INPP5E: variants seen among roughly 807,000 people sequenced by gnomAD.
The protein encoded by INPP5E is phosphatidylinositol polyphosphate 5-phosphatase type IV.
A neutral mutation model predicts 50.5 loss-of-function variants in INPP5E; 34 were observed. The observed-to-expected ratio is 0.67, with a 90% CI of 0.51 to 0.90. The LOEUF (loss-of-function observed/expected upper bound fraction) is 0.90. INPP5E is among the 40% of genes least tolerant of loss of function. The pLI is 0.00. For synonymous variants in INPP5E, 447 were observed against 406.0 expected (o/e 1.10, Z -1.21); for missense variants, 942 against 905.5 (o/e 1.04, Z -0.52).
Position 136,429,349 on chromosome 9 carries a change from G to A in INPP5E, c.*326C>T. 1 of 449,674 alleles carries A rather than the reference G, an allele frequency of 2.2e-6. No homozygotes were observed. The allele number at this position is 449,674 out of a possible 1,614,324, so 27.9% of individuals were successfully genotyped here. On this transcript the variant is annotated 3_prime_UTR_variant, in exon 10 of 10. Transcript: ENST00000371712. ...CTCTGTGACTGCCCCCAGGGCACAG[G>A]AGCTGCTCAGGAACGGATTCTGACG...
chr9:136,434,426 A>G (rs987517653), intron 2 of INPP5E, among the ~76,000 whole-genome samples: 1 of 152,028 alleles, frequency 6.6e-6, no homozygotes, highest in Admixed American at 6.5e-5. Flanking sequence ...CCTGTCCCTG[A>G]GCCACCCCTA....
chr9:136,429,196 A>T lies in INPP5E; in HGVS notation c.*479T>A. On this transcript the variant is annotated 3_prime_UTR_variant, in exon 10 of 10. Transcript: ENST00000371712. ...CCCAGGGGTCACCTAGCCCAGATCC[A>T]GCCTTGCTCTGGATACCCGTGTGAC... The T allele has an allele frequency of 4.1e-6, 1 of 242,984 alleles. No homozygotes were observed. Among genetic ancestry groups the T allele is most frequent in the South Asian group, 5.6e-5 (1 of 18,010 alleles). The allele number at this position is 242,984 out of a possible 1,614,324, so 15.1% of individuals were successfully genotyped here. A position where few individuals can be genotyped will look rare whatever the true frequency, so the allele number is the denominator to read the frequency against.
intron 2 of INPP5E, among the ~76,000 whole-genome samples, 168 bp downstream of exon 2, chr9:136,434,572 G>A (rs954662188): frequency 1.3e-5 from 2 of 152,146 alleles, no homozygotes; most frequent in African/African-American, 4.8e-5. Flanking sequence ...GGGGATGGGG[G>A]TCCTTACCCA....
chr9:136,432,005 G>T lies in INPP5E; in HGVS notation c.1388-20C>A, dbSNP rs747496493. On this transcript the variant is annotated intron_variant, in intron 6 of 9. Coordinates refer to ENST00000371712, the MANE Select transcript of INPP5E (RefSeq NM_019892.6). ...CGTCCGCTGCGGCACAGTGGGCCAT[G>T]TGTGGGCACAGGCAGAGGGACGGCA... 5 of 1,612,548 alleles carry T rather than the reference G, an allele frequency of 3.1e-6. No homozygotes were observed. The South Asian group carries it at 4.4e-5, about 14-fold the overall frequency.
intron 1 of INPP5E, chr9:136,435,929 T>TC (rs1328795070): frequency 1.3e-5 from 2 of 152,234 alleles, no homozygotes; most frequent in Non-Finnish European, 2.9e-5. Flanking sequence ...CGTTCTCAGC[T>TC]CGCCGACTAT....
intron 1 of INPP5E, 118 bp downstream of exon 1, chr9:136,438,490 C>T (rs1231744815): frequency 7.6e-6 from 7 of 926,808 alleles, no homozygotes; most frequent in Middle Eastern, 3.1e-4. Flanking sequence ...AGACCCGCTT[C>T]GTTCTTTCCG....
At position 136,438,686 on chromosome 9, in the gene INPP5E, C is replaced by A; in HGVS notation, c.734G>T (p.Cys245Phe). Residue 245 changes from cysteine (C) to phenylalanine (F), a missense_variant, in exon 1 of 10, where the codon TGC (cysteine) becomes TTC (phenylalanine). Physicochemically the swap from Cys to Phe is radical, Grantham distance 205. Coordinates refer to ENST00000371712, the MANE Select transcript of INPP5E (RefSeq NM_019892.6). ...GPGRPRSPLACDDCSLRSAKS... is the reference protein window; with the variant it reads ...GPGRPRSPLAFDDCSLRSAKS... ...GGCCGAGCGAAGGGAACAGTCGTCG[C>A]AGGCCAGGGGGCTCCGCGGCCGGCC... 1 of 1,598,222 alleles carries A rather than the reference C, an allele frequency of 6.3e-7. No individual in the cohort carries two copies.
chr9:136,429,915 A>T (rs1421502522), intron 9 of INPP5E, 108 bp from the exon 10 acceptor site: 3 of 831,336 alleles, frequency 3.6e-6, no homozygotes, highest in East Asian at 5.0e-5. Flanking sequence ...ACCCAGGGCC[A>T]GGATGAGGGG....
At chr9:136,432,419 G>T in intron 6 of INPP5E, 60 bp downstream of exon 6, 1 of 1,197,640 alleles carries the variant, frequency 8.3e-7, no homozygotes, top group Non-Finnish European at 1.2e-6. Context: ...CCCTAAAAAC[G>T]ACGGGCGCCC....
intron 1 of INPP5E, 169 bp downstream of exon 1, chr9:136,438,439 C>A: frequency 1.5e-6 from 1 of 662,450 alleles, no homozygotes; most frequent in Non-Finnish European, 2.7e-6. Context: ...CTGGGAAGGG[C>A]GCTGCTGTGG....
Position 136,429,146 on chromosome 9 carries a change from T to C in INPP5E, c.*529A>G, listed in dbSNP as rs1049712485. 2.5e-5 allele frequency: 5 copies of C among 197,374 alleles called. No individual in the cohort carries two copies. Among genetic ancestry groups the C allele is most frequent in the Admixed American group, 5.3e-5 (1 of 18,948 alleles). The allele number at this position is 197,374 out of a possible 1,614,324, so 12.2% of individuals were successfully genotyped here. A position where few individuals can be genotyped will look rare whatever the true frequency, so the allele number is the denominator to read the frequency against. On this transcript the variant is annotated 3_prime_UTR_variant, in exon 10 of 10. Coordinates refer to ENST00000371712, the MANE Select transcript of INPP5E (RefSeq NM_019892.6). Reference sequence around the variant, plus strand: ...CTGTGTGGCTTCCTCAGCTGGGCTCTGGGGCCCACTCAGAGGTCTGAGGCC... The same window carrying C: ...CTGTGTGGCTTCCTCAGCTGGGCTCCGGGGCCCACTCAGAGGTCTGAGGCC...
intron 1 of INPP5E, 31 bp downstream of exon 1, chr9:136,438,577 G>A: frequency 1.4e-6 from 2 of 1,481,298 alleles, no homozygotes; most frequent in South Asian, 1.2e-5. Flanking sequence ...CGAAGGCGGC[G>A]CGGGCGCTGC....
At chr9:136,429,912 G>C in intron 9 of INPP5E, 105 bp from the exon 10 acceptor site, 1 of 844,798 alleles carries the variant, frequency 1.2e-6, no homozygotes, top group South Asian at 1.4e-5. Context: ...GACACCCAGG[G>C]CCAGGATGAG....
At chr9:136,436,881 C>T (rs1382454083) in intron 1 of INPP5E, 4 of 152,242 alleles carry the variant, frequency 2.6e-5, no homozygotes, top group Admixed American at 2.6e-4. Flanking sequence ...GGCAGCAGAA[C>T]TGGGTTAAAG....
chr9:136,432,610 G>T, intron 5 of INPP5E, 24 bp from the exon 6 acceptor site: 1 of 1,441,006 alleles, frequency 6.9e-7, no homozygotes, highest in Non-Finnish European at 9.5e-7. Flanking sequence ...AATGGGGTAG[G>T]GACCACAGGG....
rs768294500 is a variant in INPP5E at position 136,434,065 on chromosome 9, T to G, written c.1006A>C (p.Ile336Leu). 1.9e-6 allele frequency: 3 copies of G among 1,610,762 alleles called. No individual in the cohort carries two copies. In the South Asian group the frequency reaches 3.3e-5, roughly 18 times the overall value. ...EADYAQDLYV[I>L]GVQEGCSDRR... Reference sequence around the variant, plus strand: ...TCAGAACAGCCCTCCTGGACCCCGATGACATACAGGTCCTGGGCATAGTCG... The same window carrying G: ...TCAGAACAGCCCTCCTGGACCCCGAGGACATACAGGTCCTGGGCATAGTCG... The change falls in exon 3 of 10, where the codon ATC becomes CTC. Residue 336 changes from isoleucine (I) to leucine (L), a missense_variant. By Grantham distance (5) the Ile-to-Leu change is conservative. Coordinates refer to ENST00000371712, the MANE Select transcript of INPP5E (RefSeq NM_019892.6).
chr9:136,439,611 C>T lies in INPP5E; in HGVS notation c.-192G>A, dbSNP rs1835945645. The T allele has an allele frequency of 2.6e-6, 1 of 378,682 alleles. No individual in the cohort carries two copies. 23.5% of individuals were successfully genotyped at this position (378,682 alleles called of 1,614,324 possible). On this transcript the variant is annotated 5_prime_UTR_variant, in exon 1 of 10. Coordinates refer to ENST00000371712, the MANE Select transcript of INPP5E (RefSeq NM_019892.6). ...CGGGCCCCGAGTCCCGCCAGCCCCT[C>T]GGGGCTCCCAGACGCCGTTCCCAGG...
chr9:136,433,075 T>C lies in INPP5E; in HGVS notation c.1160A>G (p.Glu387Gly). 6.2e-7 allele frequency: 1 copy of C among 1,610,320 alleles called. No homozygotes were observed. Among genetic ancestry groups the C allele is most frequent in the Non-Finnish European group, 8.5e-7 (1 of 1,179,628 alleles). ...TGTGGTCACCGTGGAGCACTCCACC[T>C]CTGTGGGAGGGGCAGCCCTCAGCTC... ...IRRDLIWFCS[E>G]VECSTVTTRI... is the part of the protein sequence containing the mutation. Residue 387 changes from glutamate (E) to glycine (G), a missense_variant and splice_region_variant, in exon 5 of 10, where the codon GAG becomes GGG. Glu to Gly is a moderately conservative substitution (Grantham distance 98). Coordinates refer to ENST00000371712, the MANE Select transcript of INPP5E (RefSeq NM_019892.6).
Position 136,438,633 on chromosome 9 carries a change from T to C in INPP5E, c.787A>G (p.Ile263Val). ...CTGCTGCGGACGTCCTTGCTGCGGA[T>C]GGGCGCCAGGAGGCTGAAGGAGGAT... ...AKSSFSLLAP[I>V]RSKDVRSRSY... is the part of the protein sequence containing the mutation. The change falls in exon 1 of 10, where the codon ATC (isoleucine) becomes GTC (valine). Residue 263 changes from isoleucine to valine, a missense_variant. By Grantham distance (29) the Ile-to-Val change is conservative (BLOSUM62 3). Transcript: ENST00000371712. 1 of 1,570,132 alleles carries C rather than the reference T, an allele frequency of 6.4e-7. No individual in the cohort carries two copies. Among genetic ancestry groups the C allele is most frequent in the Non-Finnish European group, 8.6e-7 (1 of 1,158,430 alleles).
Sources: gnomAD v4.1 joint callset for allele counts (sites outside exome capture counted in the v4.1 genomes callset) on GRCh38, gnomAD v4.1.1 for gene constraint, MANE v1.5 for transcripts, NCBI Gene and HGNC (gene_info 2026-07-23, HGNC 2026-07-21) for gene names.